Variants in NSF observed in about 807,000 individuals in gnomAD.
NSF encodes vesicle-fusing ATPase.
A neutral mutation model predicts 50.3 loss-of-function variants in NSF; 14 were observed. The ratio of observed to expected loss-of-function variants is 0.28; its 90% CI spans 0.18 to 0.44. The LOEUF (loss-of-function observed/expected upper bound fraction) is 0.44, where lower values mean the gene tolerates loss of function less well. Ranked by LOEUF, NSF falls within the 20% of genes least tolerant of loss-of-function variation. NSF has a pLI of 1.00. For missense variants in NSF, 218 were observed against 504.3 expected, an observed-to-expected ratio of 0.43 and a Z score of 5.44; for synonymous variants, 109 against 175.7, an observed-to-expected ratio of 0.62 and a Z score of 3.00.
intron 9 of NSF, among the ~76,000 whole-genome samples, chr17:46,684,652 A>G (rs2058479844): frequency 6.6e-6 from 1 of 151,680 alleles, no homozygotes. Flanking sequence ...GCAATGGGGA[A>G]AGGATTCCCT....
chr17:46,746,619 A>G (rs1444516352), intron 17 of NSF, among the ~76,000 whole-genome samples: 1 of 152,134 alleles, frequency 6.6e-6, no homozygotes, highest in Admixed American at 6.5e-5. Flanking sequence ...CATAAGTTTA[A>G]AACTTATTCC....
chr17:46,739,525 G>C (rs1039032228), intron 17 of NSF, among the ~76,000 whole-genome samples: 8 of 151,952 alleles, frequency 5.3e-5, no homozygotes, highest in African/African-American at 1.9e-4. Context: ...GGCAACCAGA[G>C]TGAGACCTTG....
At chr17:46,610,126 T>TC (rs772948028) in intron 1 of NSF, among the ~76,000 whole-genome samples, 2 of 109,816 alleles carry the variant, frequency 1.8e-5, no homozygotes, top group African/African-American at 7.4e-5. Flanking sequence ...TCTCTCTCTC[T>TC]TCCTTTCTTC....
intron 14 of NSF, among the ~76,000 whole-genome samples, 159 bp from the exon 15 acceptor site, chr17:46,713,694 T>C (rs374049817): frequency 1.3e-5 from 2 of 152,338 alleles, no homozygotes; most frequent in South Asian, 4.1e-4. Context: ...TAGTTGCTAA[T>C]AAATAAGAGA....
At chr17:46,685,231 A>G (rs777322888) in intron 9 of NSF, among the ~76,000 whole-genome samples, 2 of 146,908 alleles carry the variant, frequency 1.4e-5, no homozygotes, top group African/African-American at 5.1e-5. Flanking sequence ...CTGCATAGGT[A>G]ACTTTGGTGC....
In NSF at chr17:46,721,838, G is replaced by A. The variant is rs896451582; in HGVS notation, c.1762-4711G>A. The A allele has an allele frequency of 5.0e-6, 8 of 1,592,698 alleles. No homozygotes were observed. In the African/African-American group the frequency reaches 8.0e-5, roughly 16 times the overall value. ...CCTGGGACACTTTTGCTTATTTTTTGTACGGCTTTTTCGAGTTGGCTTAGG... is the reference window on the plus strand; with the variant it reads ...CCTGGGACACTTTTGCTTATTTTTTATACGGCTTTTTCGAGTTGGCTTAGG... On this transcript the variant is annotated intron_variant, in intron 15 of 20. Coordinates refer to ENST00000398238, the MANE Select transcript of NSF (RefSeq NM_006178.4).
intron 17 of NSF, among the ~76,000 whole-genome samples, chr17:46,746,119 G>A (rs927031467): frequency 6.6e-6 from 1 of 152,150 alleles, no homozygotes; most frequent in African/African-American, 2.4e-5. Flanking sequence ...TTTTGCATCT[G>A]TCTTTCTGTG....
At chr17:46,710,146 C>G (rs1352214982) in intron 13 of NSF, among the ~76,000 whole-genome samples, 1 of 152,118 alleles carries the variant, frequency 6.6e-6, no homozygotes, top group African/African-American at 2.4e-5. Context: ...TTGAAATTCT[C>G]AAGATACATG....
chr17:46,687,109 A>T (rs1328584605), intron 9 of NSF, among the ~76,000 whole-genome samples: 1 of 37,394 alleles, frequency 2.7e-5, no homozygotes, highest in Non-Finnish European at 5.2e-5. Flanking sequence ...TTCATCTTTC[A>T]TCTTTGTCAT....
At chr17:46,729,223 C>G (rs1409407458) in intron 17 of NSF, among the ~76,000 whole-genome samples, 1 of 152,100 alleles carries the variant, frequency 6.6e-6, no homozygotes, top group East Asian at 1.9e-4. Context: ...TTACATATCC[C>G]TACTACCTCC....
At chr17:46,723,527 A>C (rs756930919) in intron 15 of NSF, among the ~76,000 whole-genome samples, 1 of 152,174 alleles carries the variant, frequency 6.6e-6, no homozygotes, top group Non-Finnish European at 1.5e-5. Context: ...TAAATATCCT[A>C]TTCTCATTTT....
At chr17:46,749,708 G>A (rs958074638) in intron 17 of NSF, 65 bp from the exon 18 acceptor site, 11 of 1,431,888 alleles carry the variant, frequency 7.7e-6, no homozygotes, top group Admixed American at 2.2e-5. Flanking sequence ...TTGTGTTCAA[G>A]CTTACTGTAG....
intron 8 of NSF, among the ~76,000 whole-genome samples, chr17:46,657,361 T>C (rs2058267783): frequency 6.6e-6 from 1 of 152,066 alleles, no homozygotes; most frequent in Non-Finnish European, 1.5e-5. Context: ...ATATAAAAAA[T>C]ATAATGGTTT....
chr17:46,704,914 G>A (rs1421337644), intron 13 of NSF, 60 bp downstream of exon 13: 35 of 1,540,594 alleles, frequency 2.3e-5, no homozygotes, highest in East Asian at 1.2e-4. Flanking sequence ...TAACTCAGGC[G>A]AAAAGTAAGT....
intron 13 of NSF, among the ~76,000 whole-genome samples, chr17:46,710,616 T>C (rs1274983238): frequency 6.6e-6 from 1 of 152,230 alleles, no homozygotes; most frequent in Admixed American, 6.5e-5. Flanking sequence ...ATAATCTCTT[T>C]TTTCCTTTGT....
intron 9 of NSF, among the ~76,000 whole-genome samples, chr17:46,689,901 TCG>T (rs2058528903): frequency 6.6e-6 from 1 of 151,232 alleles, no homozygotes; most frequent in Non-Finnish European, 1.5e-5. Flanking sequence ...ACATTTGTAA[TCG>T]CAGCACTTTG....
chr17:46,734,684 T>C (rs895050180), intron 17 of NSF, among the ~76,000 whole-genome samples: 1 of 152,188 alleles, frequency 6.6e-6, no homozygotes, highest in Non-Finnish European at 1.5e-5. Flanking sequence ...TGTAAACCTG[T>C]GGACTACATA....
In NSF at chr17:46,749,923, T is replaced by C; in HGVS notation, c.2043+16T>C. 1 of 1,612,928 alleles carries C rather than the reference T, an allele frequency of 6.2e-7. No homozygotes were observed. Among genetic ancestry groups the C allele is most frequent in the Non-Finnish European group, 8.5e-7 (1 of 1,179,408 alleles). On this transcript the variant is annotated intron_variant, in intron 18 of 20. Coordinates refer to ENST00000398238, the MANE Select transcript of NSF (RefSeq NM_006178.4). ...AGCTTTGGAGGTAAAAATGAGTCAA[T>C]GGATTGCACACTGTTTATAAGAAAG...
chr17:46,724,835 C>A (rs539192575), intron 15 of NSF, among the ~76,000 whole-genome samples: 1 of 151,970 alleles, frequency 6.6e-6, no homozygotes, highest in South Asian at 2.1e-4. Flanking sequence ...TTTTCTTCTT[C>A]TTCTGCCATT....
Sources: gnomAD v4.1 joint callset for allele counts (sites outside exome capture counted in the v4.1 genomes callset) on GRCh38, gnomAD v4.1.1 for gene constraint, MANE v1.5 for transcripts, NCBI Gene and HGNC (gene_info 2026-07-23, HGNC 2026-07-21) for gene names.